Variants in SLCO3A1 observed in about 807,000 individuals in gnomAD.
The protein encoded by SLCO3A1 is PGE1 transporter.
Under a neutral mutation model 63.1 loss-of-function variants are expected in SLCO3A1, and 27 were observed. The ratio of observed to expected loss-of-function variants is 0.43; its 90% CI spans 0.32 to 0.59. SLCO3A1 has a LOEUF of 0.59. SLCO3A1 is among the 20% of genes least tolerant of loss of function. The pLI is 0.09. For synonymous variants in SLCO3A1, 473 were observed against 409.9 expected (o/e 1.15, Z -1.86); for missense variants, 773 against 945.8 (o/e 0.82, Z 2.40).
chr15:92,000,985 AGTCT>A (rs1238379294), intron 2 of SLCO3A1, among the ~76,000 whole-genome samples: 2 of 152,138 alleles, frequency 1.3e-5, no homozygotes, highest in Non-Finnish European at 2.9e-5. Flanking sequence ...AAGGCTGATC[AGTCT>A]GTCTATCTTT....
chr15:92,128,367 G>T lies in SLCO3A1; in HGVS notation c.1390G>T (p.Ala464Ser), dbSNP rs1169203770. The change falls in exon 7 of 10, where the codon GCC becomes TCC. Residue 464 changes from alanine to serine, a missense_variant. Physicochemically the swap from Ala to Ser is moderately conservative, Grantham distance 99 (BLOSUM62 1). Transcript: ENST00000318445. ...PYGNSTAPGS[A>S]LDPYSPCNNN... ...CTTTTCCAGCACAGCACCTGGCTCA[G>T]CCCTGGACCCCTACTCGCCCTGCAA... The T allele has an allele frequency of 1.2e-6, 2 of 1,614,124 alleles. No individual in the cohort carries two copies. Among genetic ancestry groups the T allele is most frequent in the Non-Finnish European group, 1.7e-6 (2 of 1,180,008 alleles).
intron 2 of SLCO3A1, among the ~76,000 whole-genome samples, chr15:91,971,343 C>G (rs890095112): frequency 7.8e-6 from 1 of 128,634 alleles, no homozygotes; most frequent in African/African-American, 2.9e-5. Flanking sequence ...TGCAGTGAGC[C>G]GAGGTCGTGC....
chr15:91,868,439 A>C (rs921613408), intron 1 of SLCO3A1, among the ~76,000 whole-genome samples: 2 of 148,376 alleles, frequency 1.3e-5, no homozygotes, highest in African/African-American at 5.0e-5. Flanking sequence ...CAATTTGGAA[A>C]ATACAAATAA....
intron 7 of SLCO3A1, among the ~76,000 whole-genome samples, chr15:92,134,622 G>T (rs888943595): frequency 1.3e-5 from 2 of 152,108 alleles, no homozygotes; most frequent in African/African-American, 4.8e-5. Flanking sequence ...AGAACATATA[G>T]CCATCCATTC....
intron 9 of SLCO3A1, among the ~76,000 whole-genome samples, chr15:92,151,650 C>T (rs2048307544): frequency 6.6e-6 from 1 of 152,236 alleles, no homozygotes. Flanking sequence ...GGGCCTGGTT[C>T]CCAGCTATGC....
At chr15:92,117,188 A>C (rs938559606) in intron 4 of SLCO3A1, among the ~76,000 whole-genome samples, 1 of 152,180 alleles carries the variant, frequency 6.6e-6, no homozygotes, top group African/African-American at 2.4e-5. Flanking sequence ...AATCATGATG[A>C]CTCTGAACAA....
intron 6 of SLCO3A1, among the ~76,000 whole-genome samples, chr15:92,127,371 A>G (rs371905202): frequency 4.0e-5 from 6 of 151,452 alleles, no homozygotes; most frequent in South Asian, 2.1e-4. Flanking sequence ...TATATCCTAC[A>G]TCACACAGCC....
chr15:92,170,926 T>C (rs2048517622), intron 10 of SLCO3A1: 2 of 152,238 alleles, frequency 1.3e-5, no homozygotes, highest in South Asian at 4.2e-4. Context: ...CACGCCCAAG[T>C]CTTTCAGTGG....
chr15:92,004,786 GT>G (rs1464811171), intron 2 of SLCO3A1, among the ~76,000 whole-genome samples: 2 of 152,278 alleles, frequency 1.3e-5, no homozygotes, highest in East Asian at 3.9e-4. Flanking sequence ...CTGAAATCTG[GT>G]GGTTTGTGTA....
At chr15:92,082,517 T>C (rs899066747) in intron 2 of SLCO3A1, among the ~76,000 whole-genome samples, 1 of 152,104 alleles carries the variant, frequency 6.6e-6, no homozygotes, top group Non-Finnish European at 1.5e-5. Flanking sequence ...GCGAGAACCA[T>C]CTAGGGTTAA....
chr15:92,091,634 C>G (rs1246649128), intron 2 of SLCO3A1, among the ~76,000 whole-genome samples: 1 of 152,156 alleles, frequency 6.6e-6, no homozygotes, highest in Non-Finnish European at 1.5e-5. Context: ...CCTCCCACGT[C>G]CCACCACCGG....
In SLCO3A1 at chr15:91,875,599, G is replaced by A. The variant is rs1226429223; in HGVS notation, c.180+21511G>A. ...AAGCACTTGTGTGTGATAAGTCTTAGCCTCATTCTCTGTCATTCCTTCCAT... is the reference window on the plus strand; with the variant it reads ...AAGCACTTGTGTGTGATAAGTCTTAACCTCATTCTCTGTCATTCCTTCCAT... On this transcript the variant is annotated intron_variant, in intron 1 of 9. Transcript: ENST00000318445. The surrounding 1 kb of genome is among the most constrained non-coding windows in gnomAD (Gnocchi z 4.5). 2.0e-5 allele frequency among the ~76,000 whole-genome samples: 3 copies of A among 152,230 alleles called. No homozygotes were observed. The highest frequency in any genetic ancestry group is 4.4e-5 in the Non-Finnish European group (3 of 68,048).
chr15:92,015,408 G>A (rs2046414514), intron 2 of SLCO3A1, among the ~76,000 whole-genome samples: 1 of 152,076 alleles, frequency 6.6e-6, no homozygotes, highest in South Asian at 2.1e-4. Flanking sequence ...AGCAGAAAGA[G>A]AGAAAAGCCC....
At chr15:92,044,195 A>C (rs538857715) in intron 2 of SLCO3A1, among the ~76,000 whole-genome samples, 71 of 152,072 alleles carry the variant, frequency 4.7e-4, no homozygotes, top group African/African-American at 1.5e-3. Context: ...TCTGGGAAGG[A>C]GGGCAAGTCT....
chr15:92,103,565 A>G (rs1388491602), intron 3 of SLCO3A1, among the ~76,000 whole-genome samples: 1 of 152,084 alleles, frequency 6.6e-6, no homozygotes, highest in African/African-American at 2.4e-5. Context: ...GCCCCTCACC[A>G]TAAATAACAG....
intron 2 of SLCO3A1, among the ~76,000 whole-genome samples, chr15:91,953,041 C>A (rs886828727): frequency 6.6e-6 from 1 of 152,156 alleles, no homozygotes; most frequent in African/African-American, 2.4e-5. Flanking sequence ...AGGCATCAAC[C>A]TCAGTGGAAG....
chr15:92,109,405 G>C (rs2047702686), intron 4 of SLCO3A1, among the ~76,000 whole-genome samples: 2 of 152,202 alleles, frequency 1.3e-5, no homozygotes, highest in African/African-American at 4.8e-5. Context: ...CAACAGCACA[G>C]GTGTCCCCTA....
At chr15:92,075,828 T>C (rs1298745325) in intron 2 of SLCO3A1, among the ~76,000 whole-genome samples, 1 of 152,216 alleles carries the variant, frequency 6.6e-6, no homozygotes, top group African/African-American at 2.4e-5. Context: ...CAGTTCTGTG[T>C]CTCAGCATCA....
intron 2 of SLCO3A1, among the ~76,000 whole-genome samples, chr15:92,000,001 T>A (rs986431940): frequency 6.6e-6 from 1 of 152,206 alleles, no homozygotes; most frequent in Non-Finnish European, 1.5e-5. Context: ...GTATTTGATA[T>A]GTATAAGATA....
Sources: gnomAD v4.1 joint callset for allele counts (sites outside exome capture counted in the v4.1 genomes callset) on GRCh38, gnomAD v4.1.1 for gene constraint, Gnocchi (gnomAD v3.1) non-coding constraint, MANE v1.5 for transcripts, NCBI Gene and HGNC (gene_info 2026-07-23, HGNC 2026-07-21) for gene names.